The following ACVR2A variants were observed in gnomAD, a reference collection of about 807,000 sequenced individuals.
ACVR2A encodes the protein activin receptor type-2A.
ACVR2A carries 7 observed loss-of-function variants against 61.4 expected under a neutral mutation model. The observed-to-expected ratio is 0.11, with a 90% CI of 0.06 to 0.21. The LOEUF (loss-of-function observed/expected upper bound fraction) is 0.21, where lower values mean the gene tolerates loss of function less well. Among genes scored for constraint, ACVR2A ranks in the 10% least tolerant of loss-of-function variants. ACVR2A has a pLI of 1.00. For missense variants in ACVR2A, 322 were observed against 621.7 expected (o/e 0.52, Z 5.13); for synonymous variants, 193 against 208.3 (o/e 0.93, Z 0.63).
Position 147,845,196 on chromosome 2 carries a change from C to A in ACVR2A, c.44C>A (p.Ser15Tyr). ...AKLAFAVFLI[S>Y]CSSGAILGRS... ...TTGGCGTTTGCCGTCTTTCTTATCT[C>A]CTGTTCTTCAGGTAGGTGCAGGGAG... The change falls in exon 1 of 11, where the codon TCC (serine) becomes TAC (tyrosine). Residue 15 changes from serine to tyrosine, a missense_variant. Transcript: ENST00000241416. 6.2e-7 allele frequency: 1 copy of A among 1,612,982 alleles called. No individual in the cohort carries two copies. Among genetic ancestry groups the A allele is most frequent in the Non-Finnish European group, 8.5e-7 (1 of 1,179,824 alleles).
chr2:147,902,091 T>TC (rs1686883539), intron 4 of ACVR2A, among the ~76,000 whole-genome samples: 1 of 152,020 alleles, frequency 6.6e-6, no homozygotes, highest in Non-Finnish European at 1.5e-5. Flanking sequence ...ATATTTTTTT[T>TC]CAATGATTTC....
chr2:147,923,943 A>G (rs16828028), intron 9 of ACVR2A, among the ~76,000 whole-genome samples: 3 of 152,092 alleles, frequency 2.0e-5, no homozygotes, highest in Non-Finnish European at 4.4e-5. Flanking sequence ...GAGTACTGTA[A>G]TAGGCTCTCG....
Position 147,928,761 on chromosome 2 carries a change from T to A in ACVR2A, c.*1487T>A, listed in dbSNP as rs1687570156. 6.6e-6 allele frequency: 1 copy of A among 152,310 alleles called. No homozygotes were observed. Among genetic ancestry groups the A allele is most frequent in the African/African-American group, 2.4e-5 (1 of 41,380 alleles). 9.4% of individuals were successfully genotyped at this position (152,310 alleles called of 1,614,324 possible). A position where few individuals can be genotyped will look rare whatever the true frequency, so the allele number is the denominator to read the frequency against. ...TGCTAAAGTGCTTTTCAAAACAATA[T>A]TACGTTAGAATACAATTGGATTCTT... On this transcript the variant is annotated 3_prime_UTR_variant, in exon 11 of 11. Coordinates refer to ENST00000241416, the MANE Select transcript of ACVR2A (RefSeq NM_001616.5).
intron 4 of ACVR2A, among the ~76,000 whole-genome samples, chr2:147,903,250 C>T (rs369449036): frequency 2.0e-5 from 3 of 148,462 alleles, no homozygotes; most frequent in African/African-American, 2.4e-5. Flanking sequence ...GTTTTCTGGT[C>T]GTTTTTTTTT....
intron 1 of ACVR2A, among the ~76,000 whole-genome samples, chr2:147,879,370 A>G (rs937542858): frequency 2.0e-5 from 3 of 152,188 alleles, no homozygotes; most frequent in African/African-American, 7.2e-5. Context: ...CCCTTTTTAT[A>G]ATGGCATTAA....
At chr2:147,908,038 CAAA>C (rs1200221673) in intron 4 of ACVR2A, among the ~76,000 whole-genome samples, 6 of 67,022 alleles carry the variant, frequency 9.0e-5, no homozygotes, top group African/African-American at 2.8e-4. Context: ...GACTCTGTTT[CAAA>C]AAAAAAAAAA....
At chr2:147,865,166 G>A (rs529307046) in intron 1 of ACVR2A, among the ~76,000 whole-genome samples, 1 of 152,198 alleles carries the variant, frequency 6.6e-6, no homozygotes, top group South Asian at 2.1e-4. Flanking sequence ...TAGGGATTGT[G>A]GCCCTCGTGT....
At position 147,915,171 on chromosome 2, in the gene ACVR2A, T is replaced by G. The variant is rs368565693; in HGVS notation, c.529-20T>G. 17 of 1,599,918 alleles carry G rather than the reference T, an allele frequency of 1.1e-5. No homozygotes were observed. In the African/African-American group the frequency reaches 1.7e-4, roughly 16 times the overall value. ...TGTCATGTTCTGCTTATTTATAGTA[T>G]TATTATTATTTATCTGTAGGACCCA... On this transcript the variant is annotated intron_variant, in intron 4 of 10. Coordinates refer to ENST00000241416, the MANE Select transcript of ACVR2A (RefSeq NM_001616.5).
At chr2:147,861,054 T>A (rs762368913) in intron 1 of ACVR2A, among the ~76,000 whole-genome samples, 1 of 152,226 alleles carries the variant, frequency 6.6e-6, no homozygotes, top group Non-Finnish European at 1.5e-5. Context: ...TAACCTACTT[T>A]ACACAGTTGT....
chr2:147,900,096 G>A (rs1173066502), intron 4 of ACVR2A, among the ~76,000 whole-genome samples, 198 bp downstream of exon 4: 1 of 152,088 alleles, frequency 6.6e-6, no homozygotes, highest in Admixed American at 6.6e-5. Flanking sequence ...TCACTTTAGG[G>A]TTGAGGTCGA....
At chr2:147,887,840 T>C (rs1396665658) in intron 1 of ACVR2A, among the ~76,000 whole-genome samples, 1 of 152,182 alleles carries the variant, frequency 6.6e-6, no homozygotes, top group Non-Finnish European at 1.5e-5. Context: ...TTACATTGGA[T>C]TGCAAGAAGT....
At chr2:147,915,876 ACT>A (rs2105214321) in intron 5 of ACVR2A, among the ~76,000 whole-genome samples, 1 of 151,496 alleles carries the variant, frequency 6.6e-6, no homozygotes, top group Admixed American at 6.6e-5. Context: ...TTCTCATAAA[ACT>A]CTGATCTAAT....
At chr2:147,871,925 A>T (rs1686028966) in intron 1 of ACVR2A, among the ~76,000 whole-genome samples, 1 of 152,014 alleles carries the variant, frequency 6.6e-6, no homozygotes, top group Non-Finnish European at 1.5e-5. Context: ...TTGTTCATTG[A>T]TCTTTGGCAT....
intron 1 of ACVR2A, among the ~76,000 whole-genome samples, chr2:147,882,349 G>A (rs528131844): frequency 6.6e-6 from 1 of 152,168 alleles, no homozygotes; most frequent in Non-Finnish European, 1.5e-5. Flanking sequence ...TCAGGAGTTC[G>A]AGACCAGCCT....
At chr2:147,905,004 CTT>C (rs1355141436) in intron 4 of ACVR2A, among the ~76,000 whole-genome samples, 4 of 151,940 alleles carry the variant, frequency 2.6e-5, no homozygotes, top group African/African-American at 9.7e-5. Context: ...CTTTTTCTCT[CTT>C]CATTTAAAAT....
intron 8 of ACVR2A, among the ~76,000 whole-genome samples, chr2:147,921,635 T>C (rs1008879197): frequency 1.3e-5 from 2 of 152,100 alleles, no homozygotes; most frequent in Non-Finnish European, 2.9e-5. Context: ...TGTATGGGAA[T>C]GGAGGCAATT....
intron 10 of ACVR2A, 42 bp from the exon 11 acceptor site, chr2:147,927,038 A>G: frequency 6.4e-7 from 1 of 1,566,658 alleles, no homozygotes; most frequent in Non-Finnish European, 8.6e-7. Context: ...ATAGAAAACA[A>G]AAACTGCTGT....
chr2:147,899,277 A>G, intron 2 of ACVR2A, 181 bp from the exon 3 acceptor site: 1 of 428,624 alleles, frequency 2.3e-6, no homozygotes. Flanking sequence ...TTTTTTCTTA[A>G]GAGATTTAGT....
chr2:147,895,357 T>C (rs1437449490), intron 1 of ACVR2A, among the ~76,000 whole-genome samples: 3 of 152,186 alleles, frequency 2.0e-5, no homozygotes, highest in African/African-American at 7.2e-5. Context: ...TACAACACCA[T>C]ATGATGCTAA....
Sources: allele counts gnomAD v4.1 joint callset (sites outside exome capture counted in the v4.1 genomes callset), GRCh38; gene constraint gnomAD v4.1.1; transcripts MANE v1.5; gene names NCBI Gene and HGNC (gene_info 2026-07-23, HGNC 2026-07-21).